Variants in DSE observed in about 807,000 individuals in gnomAD.
The protein encoded by DSE is dermatan sulfate epimerase.
Under a neutral mutation model 84.4 loss-of-function variants are expected in DSE, and 36 were observed. The ratio of observed to expected loss-of-function variants is 0.43; its 90% CI spans 0.33 to 0.56. The LOEUF (loss-of-function observed/expected upper bound fraction) is 0.56. Among genes scored for constraint, DSE ranks in the 20% least tolerant of loss-of-function variants. The pLI, the probability that DSE is intolerant of heterozygous loss-of-function variation, is 0.06. For synonymous variants in DSE, 410 were observed against 430.1 expected (o/e 0.95, Z 0.58); for missense variants, 862 against 1,169.6 (o/e 0.74, Z 3.84).
At chr6:116,280,382 CG>C (rs963157747) in intron 2 of DSE, 1 of 181,254 alleles carries the variant, frequency 5.5e-6, no homozygotes, top group African/African-American at 2.4e-5. Flanking sequence ...CTTGCCTCTA[CG>C]GTTACTGGGG....
chr6:116,340,019 G>C (rs931537165), intron 2 of DSE, among the ~76,000 whole-genome samples: 1 of 152,152 alleles, frequency 6.6e-6, no homozygotes, highest in African/African-American at 2.4e-5. Context: ...TGAGAAAAAG[G>C]ATTGAGGAAG....
intron 2 of DSE, among the ~76,000 whole-genome samples, chr6:116,274,923 G>A (rs372998160): frequency 4.6e-5 from 7 of 152,242 alleles, no homozygotes; most frequent in Admixed American, 3.9e-4. Context: ...TCAGGAAGTC[G>A]AGACATGCTG....
chr6:116,348,967 G>A (rs961565465), intron 2 of DSE, among the ~76,000 whole-genome samples: 1 of 151,444 alleles, frequency 6.6e-6, no homozygotes, highest in African/African-American at 2.4e-5. Flanking sequence ...ACACACCAGG[G>A]TGGGGTGGGT....
At chr6:116,270,712 A>G (rs1465941220) in intron 2 of DSE, among the ~76,000 whole-genome samples, 1 of 152,224 alleles carries the variant, frequency 6.6e-6, no homozygotes, top group African/African-American at 2.4e-5. Flanking sequence ...CTACTTGTGA[A>G]TGAATTAGGA....
At chr6:116,303,184 A>T (rs1361629251) in intron 2 of DSE, among the ~76,000 whole-genome samples, 20 of 150,326 alleles carry the variant, frequency 1.3e-4, no homozygotes. Context: ...ATTTCTCTTT[A>T]CCTCCACCCC....
At chr6:116,285,950 A>G (rs1773878090) in intron 2 of DSE, among the ~76,000 whole-genome samples, 1 of 152,152 alleles carries the variant, frequency 6.6e-6, no homozygotes, top group Admixed American at 6.5e-5. Context: ...GAAGTCAGGT[A>G]GTGTGATGCC....
chr6:116,313,202 G>A (rs1036600172), intron 2 of DSE, among the ~76,000 whole-genome samples: 2 of 152,186 alleles, frequency 1.3e-5, no homozygotes. Context: ...ATCAGAAGCT[G>A]AAAGAGGCAA....
intron 2 of DSE, 175 bp downstream of exon 2, chr6:116,399,841 G>A (rs1472089409): frequency 3.3e-6 from 2 of 605,532 alleles, no homozygotes; most frequent in African/African-American, 1.9e-5. Context: ...TTCAAAAGAT[G>A]TAGTAACTTC....
chr6:116,338,565 C>T (rs1197369929), intron 2 of DSE, among the ~76,000 whole-genome samples: 1 of 152,008 alleles, frequency 6.6e-6, no homozygotes, highest in Non-Finnish European at 1.5e-5. Context: ...AAATGTGGAT[C>T]TCATGAATTT....
chr6:116,293,235 A>G (rs1380058545), intron 2 of DSE, among the ~76,000 whole-genome samples: 1 of 152,010 alleles, frequency 6.6e-6, no homozygotes, highest in Non-Finnish European at 1.5e-5. Flanking sequence ...CAGATGTGAT[A>G]TTGAGTTCAA....
intron 2 of DSE, among the ~76,000 whole-genome samples, chr6:116,356,001 AG>A (rs1246233476): frequency 6.6e-6 from 1 of 152,238 alleles, no homozygotes; most frequent in Non-Finnish European, 1.5e-5. Context: ...ATCCCTGAAG[AG>A]GATGCTAACC....
intron 2 of DSE, among the ~76,000 whole-genome samples, chr6:116,348,290 G>A (rs1196985884): frequency 6.6e-6 from 1 of 152,142 alleles, no homozygotes; most frequent in Non-Finnish European, 1.5e-5. Flanking sequence ...AGCCAGGCAT[G>A]GTGGCTGGCG....
chr6:116,375,848 G>A (rs1472595438), intron 1 of DSE, among the ~76,000 whole-genome samples: 1 of 151,874 alleles, frequency 6.6e-6, no homozygotes, highest in East Asian at 1.9e-4. Context: ...TTTTAGTGTA[G>A]TAGAAATGGA....
At chr6:116,366,543 T>C (rs901457222), upstream of DSE, 1 of 152,214 alleles carries the variant, frequency 6.6e-6, no homozygotes, top group Non-Finnish European at 1.5e-5. Flanking sequence ...GAGAACAATA[T>C]TATAATTTGG....
intron 2 of DSE, among the ~76,000 whole-genome samples, chr6:116,312,127 A>T (rs1412077724): frequency 6.6e-6 from 1 of 152,182 alleles, no homozygotes; most frequent in Non-Finnish European, 1.5e-5. Flanking sequence ...CATCTAGTCC[A>T]AGCTATGATT....
At chr6:116,425,868 C>T (rs1457762678) in intron 2 of DSE, among the ~76,000 whole-genome samples, 1 of 152,078 alleles carries the variant, frequency 6.6e-6, no homozygotes. Flanking sequence ...GTGATCCGCC[C>T]GTCTCGGCCT....
At chr6:116,317,879 G>A (rs1256197939) in intron 2 of DSE, among the ~76,000 whole-genome samples, 1 of 152,198 alleles carries the variant, frequency 6.6e-6, no homozygotes, top group East Asian at 1.9e-4. Context: ...AGAGGTGGTA[G>A]AAACTGGTAG....
chr6:116,271,205 G>C (rs545253984), intron 2 of DSE, among the ~76,000 whole-genome samples: 13 of 152,324 alleles, frequency 8.5e-5, no homozygotes, highest in Admixed American at 8.5e-4. Context: ...TAGGACAATG[G>C]TTCCCAAATG....
chr6:116,299,551 T>TATATATATACACACAC (rs1554209343), intron 2 of DSE, among the ~76,000 whole-genome samples: 1 of 53,674 alleles, frequency 1.9e-5, no homozygotes, highest in Non-Finnish European at 2.9e-5. Flanking sequence ...TATATATATA[T>TATATATATACACACAC]ACACATACAC....
Sources: gnomAD v4.1 joint callset for allele counts (sites outside exome capture counted in the v4.1 genomes callset) on GRCh38, gnomAD v4.1.1 for gene constraint, MANE v1.5 for transcripts, NCBI Gene and HGNC (gene_info 2026-07-23, HGNC 2026-07-21) for gene names.